The following DPYSL2 variants were observed in gnomAD, a reference collection of about 807,000 sequenced individuals.
DPYSL2 encodes dihydropyrimidinase like 2, also known as dihydropyrimidinase-related protein 2.
DPYSL2 carries 13 observed loss-of-function variants against 69.9 expected under a neutral mutation model. The observed-to-expected ratio is 0.19, with a 90% confidence interval of 0.12 to 0.30. The LOEUF (loss-of-function observed/expected upper bound fraction) is 0.30, where lower values mean the gene tolerates loss of function less well. DPYSL2 is among the 10% of genes least tolerant of loss of function. The pLI, the probability that DPYSL2 is intolerant of heterozygous loss-of-function variation, is 1.00. For missense variants in DPYSL2, 587 were observed against 918.9 expected, an observed-to-expected ratio of 0.64 and a Z score of 4.67; for synonymous variants, 326 against 359.1, an observed-to-expected ratio of 0.91 and a Z score of 1.04.
At chr8:26,561,370 A>G (rs1269382643) in intron 1 of DPYSL2, among the ~76,000 whole-genome samples, 1 of 152,132 alleles carries the variant, frequency 6.6e-6, no homozygotes, top group Admixed American at 6.5e-5. Flanking sequence ...GTGTCGTAGA[A>G]TTATTTGACT....
rs1426641738 is a variant in DPYSL2 at position 26,643,985 on chromosome 8, C to T, written c.1319C>T (p.Thr440Met). 2.5e-6 allele frequency: 4 copies of T among 1,614,214 alleles called. No homozygotes were observed. The highest frequency in any genetic ancestry group is 2.2e-5 in the East Asian group (1 of 44,876). ...DLQVTGSAHC[T>M]FNTAQKAVGK... ...CAGGTCACGGGCAGTGCCCATTGCA[C>T]GTTTAACACTGCCCAGAAGGCTGTA... The change falls in exon 10 of 14, where the codon ACG becomes ATG. Residue 440 changes from threonine (T) to methionine (M), a missense_variant. Around this residue, in one of 3 missense-constraint regions of DPYSL2, gnomAD observed 452 missense variants for 754.3 expected, o/e 0.60. Coordinates refer to ENST00000521913, the MANE Select transcript of DPYSL2 (RefSeq NM_001197293.3). This position sits in a 1 kb window ranked among gnomAD's most constrained non-coding sequence, Gnocchi z 6.5.
chr8:26,536,531 G>T (rs1800595678), intron 1 of DPYSL2, among the ~76,000 whole-genome samples: 1 of 151,980 alleles, frequency 6.6e-6, no homozygotes, highest in South Asian at 2.1e-4. Context: ...ATTAGCCAGG[G>T]GTAGTGGCAC....
rs1213932169 is a variant in DPYSL2, at chr8:26,598,857, G to T, written c.628+14874G>T. On this transcript the variant is annotated intron_variant, in intron 3 of 13. Coordinates refer to ENST00000521913, the MANE Select transcript of DPYSL2 (RefSeq NM_001197293.3). The surrounding 1 kb of genome is among the most constrained non-coding windows in gnomAD (Gnocchi z 4.2). ...GGTGGGGGAATGAAAGCCCAGAAAG[G>T]GATGTGGCACTCGGGCAGGACGGGG... 1.3e-5 allele frequency among the ~76,000 whole-genome samples: 2 copies of T among 152,144 alleles called. No homozygotes were observed. Among genetic ancestry groups the T allele is most frequent in the South Asian group, 2.1e-4 (1 of 4,826 alleles).
At chr8:26,537,033 T>A (rs963583465) in intron 1 of DPYSL2, among the ~76,000 whole-genome samples, 1 of 28,680 alleles carries the variant, frequency 3.5e-5, no homozygotes, top group Non-Finnish European at 6.3e-5. Flanking sequence ...TTATGGTAAA[T>A]AATACGGATT....
chr8:26,550,702 T>G (rs1263284007), intron 1 of DPYSL2, among the ~76,000 whole-genome samples: 2 of 152,202 alleles, frequency 1.3e-5, no homozygotes, highest in Non-Finnish European at 2.9e-5. Flanking sequence ...CACTCTGTTA[T>G]GAAGGCTGAG....
At chr8:26,529,264 CTATCTATCTATCATCTATCT>C (rs1224556491) in intron 1 of DPYSL2, among the ~76,000 whole-genome samples, 17 of 148,776 alleles carry the variant, frequency 1.1e-4, no homozygotes, top group East Asian at 5.9e-4. Flanking sequence ...ATCTATCTAT[CTATCTATCTATCATCTATCT>C]ATCTATCTAT....
intron 7 of DPYSL2, among the ~76,000 whole-genome samples, chr8:26,629,994 C>T (rs375183382): frequency 0.073 from 3,236 of 44,032 alleles, 104 homozygotes; most frequent in African/African-American, 0.14. Flanking sequence ...CATACACACA[C>T]GTCCATAGGC....
rs1243160478 is a variant in DPYSL2 at position 26,598,786 on chromosome 8, T to C, written c.628+14803T>C. On this transcript the variant is annotated intron_variant, in intron 3 of 13. Coordinates refer to ENST00000521913, the MANE Select transcript of DPYSL2 (RefSeq NM_001197293.3). The surrounding 1 kb of genome is among the most constrained non-coding windows in gnomAD (Gnocchi z 4.2). ...CCAGGTGAAGAGCAGGTTTGAGACT[T>C]ACACCTTGTTTATTGCAATCTTTCT... is the stretch of plus-strand genomic sequence containing the variant. 2.0e-5 allele frequency among the ~76,000 whole-genome samples: 3 copies of C among 151,958 alleles called. No homozygotes were observed. Among genetic ancestry groups the C allele is most frequent in the Admixed American group, 2.0e-4 (3 of 15,242 alleles).
intron 7 of DPYSL2, among the ~76,000 whole-genome samples, chr8:26,633,368 G>A (rs929840813): frequency 6.6e-6 from 1 of 152,208 alleles, no homozygotes; most frequent in Non-Finnish European, 1.5e-5. Flanking sequence ...GCTGATTGGT[G>A]ATTCCTCTGT....
intron 1 of DPYSL2, among the ~76,000 whole-genome samples, chr8:26,553,368 T>TC (rs57665315): frequency 0.77 from 116,795 of 151,956 alleles, 45,428 homozygotes; most frequent in East Asian, 0.99. Flanking sequence ...TCTGATCCTC[T>TC]CCCTCCTCCC....
Position 26,614,793 on chromosome 8 carries a change from G to A in DPYSL2, c.629-9350G>A, listed in dbSNP as rs1008225562. Among the ~76,000 whole-genome samples, 3 of 152,228 alleles carry A rather than the reference G, an allele frequency of 2.0e-5. No individual in the cohort carries two copies. The highest frequency in any genetic ancestry group is 7.2e-5 in the African/African-American group (3 of 41,464). On this transcript the variant is annotated intron_variant, in intron 3 of 13. Transcript: ENST00000521913. The surrounding 1 kb of genome is among the most constrained non-coding windows in gnomAD (Gnocchi z 4.9). The stretch of plus-strand genomic sequence containing the variant: ...GGGCTACTCAAGTGCCTGAAGGTCC[G>A]AGCAGTGAAGAACATGTTTCCATAT...
chr8:26,538,862 C>G (rs547349878), intron 1 of DPYSL2, among the ~76,000 whole-genome samples: 1 of 152,286 alleles, frequency 6.6e-6, no homozygotes, highest in South Asian at 2.1e-4. Flanking sequence ...AAAAGAAGAC[C>G]ACTGGGCCCC....
At chr8:26,615,864 G>T (rs917459937) in intron 3 of DPYSL2, among the ~76,000 whole-genome samples, 1 of 152,178 alleles carries the variant, frequency 6.6e-6, no homozygotes, top group African/African-American at 2.4e-5. Flanking sequence ...TTTGTACAAG[G>T]CAAGTAGTTC....
rs1272344416 is a variant in DPYSL2, at chr8:26,564,772, T to A, written c.355-17197T>A. ...GTTTCTTTTTAAAAGAATTTTTTTT[T>A]TAAAAAATTTCAATAGCTTTTGGGA... On this transcript the variant is annotated intron_variant, in intron 1 of 13. Transcript: ENST00000521913. This position sits in a 1 kb window ranked among gnomAD's most constrained non-coding sequence, Gnocchi z 4.8. 3.3e-5 allele frequency among the ~76,000 whole-genome samples: 5 copies of A among 152,162 alleles called. 1 individual carries two copies. Among genetic ancestry groups the A allele is most frequent in the Non-Finnish European group, 1.5e-5 (1 of 68,032 alleles).
At chr8:26,595,956 GTTTGT>G (rs929708910) in intron 3 of DPYSL2, among the ~76,000 whole-genome samples, 3 of 151,438 alleles carry the variant, frequency 2.0e-5, no homozygotes, top group African/African-American at 7.3e-5. Flanking sequence ...TCAGCTGGGA[GTTTGT>G]TTTTTTTTTA....
chr8:26,562,492 A>G lies in DPYSL2; in HGVS notation c.355-19477A>G, dbSNP rs1563387768. ...GCCTCTGTTTGACCCTTGCACCACCACACTACAGCTGGAATAATATATAAA... is the reference window on the plus strand; with the variant it reads ...GCCTCTGTTTGACCCTTGCACCACCGCACTACAGCTGGAATAATATATAAA... On this transcript the variant is annotated intron_variant, in intron 1 of 13. Coordinates refer to ENST00000521913, the MANE Select transcript of DPYSL2 (RefSeq NM_001197293.3). This position sits in a 1 kb window ranked among gnomAD's most constrained non-coding sequence, Gnocchi z 4.9. Among the ~76,000 whole-genome samples the G allele has an allele frequency of 6.6e-6, 1 of 152,068 alleles. No individual in the cohort carries two copies.
At position 26,514,616 on chromosome 8, in the gene DPYSL2, G is replaced by C. The variant is rs1209253586; in HGVS notation, c.291G>C (p.Ser97=). Residue 97 remains serine (S), a synonymous_variant, in exon 1 of 14, where the codon TCG becomes TCC. Transcript: ENST00000521913. The surrounding 1 kb of genome is among the most constrained non-coding windows in gnomAD (Gnocchi z 8.4). ...RRAGGEPSVE[S]GRKVEIRRAS... ...CCGGCGGAGAGCCATCTGTTGAATCGGGCCGGAAGGTGGAGATCCGGAGGG... is the reference window on the plus strand; with the variant it reads ...CCGGCGGAGAGCCATCTGTTGAATCCGGCCGGAAGGTGGAGATCCGGAGGG... 2.3e-5 allele frequency: 35 copies of C among 1,489,468 alleles called. No individual in the cohort carries two copies. Among genetic ancestry groups the C allele is most frequent in the Non-Finnish European group, 2.5e-5 (28 of 1,126,032 alleles). 92.3% of individuals were successfully genotyped at this position (1,489,468 alleles called of 1,614,324 possible).
At chr8:26,613,365 C>T (rs957908293) in intron 3 of DPYSL2, among the ~76,000 whole-genome samples, 4 of 152,218 alleles carry the variant, frequency 2.6e-5, no homozygotes, top group African/African-American at 9.7e-5. Flanking sequence ...CATCCTCATT[C>T]CAGGGCCCAG....
At chr8:26,538,318 A>C (rs1800628378) in intron 1 of DPYSL2, among the ~76,000 whole-genome samples, 1 of 152,214 alleles carries the variant, frequency 6.6e-6, no homozygotes, top group Non-Finnish European at 1.5e-5. Context: ...AGAGCTCTGG[A>C]GTACAATAAA....
Sources: allele counts gnomAD v4.1 joint callset (sites outside exome capture counted in the v4.1 genomes callset), GRCh38; gene constraint gnomAD v4.1.1; regional missense constraint gnomAD v4.1.1; non-coding constraint Gnocchi (gnomAD v3.1); transcripts MANE v1.5; gene names NCBI Gene and HGNC (gene_info 2026-07-23, HGNC 2026-07-21).